Variants in WFDC2 observed in about 807,000 individuals in gnomAD.
The protein encoded by WFDC2 is WAP four-disulfide core domain 2.
WFDC2 carries 8 observed loss-of-function variants against 12.5 expected under a neutral mutation model. That is an observed-to-expected ratio of 0.64 (90% CI 0.37 to 1.15). The LOEUF is 1.15. Among genes scored for constraint, WFDC2 ranks in the 50% most tolerant of loss-of-function variants. WFDC2 has a pLI of 0.01. For missense variants in WFDC2, 166 were observed against 159.9 expected (o/e 1.04, Z -0.21); for synonymous variants, 74 against 67.2 (o/e 1.10, Z -0.49).
Position 45,478,631 on chromosome 20 carries a change from C to CT in WFDC2, c.224-1299dup, listed in dbSNP as rs147552251. On this transcript the variant is annotated intron_variant, in intron 2 of 3. Transcript: ENST00000372676. ...GCCATCTTGAAAGCTGAACCTAAATCTTTTTTTTTTTTGAGATGGAGTCTC... is the reference window on the plus strand; with the variant it reads ...GCCATCTTGAAAGCTGAACCTAAATCTTTTTTTTTTTTTGAGATGGAGTCTC... Among the ~76,000 whole-genome samples, 1,428 of 146,446 alleles carry CT rather than the reference C, an allele frequency of 9.8e-3. 15 individuals are homozygous for CT. The highest frequency in any genetic ancestry group is 0.048 in the South Asian group (223 of 4,618).
At chr20:45,480,173 T>C (rs1014882585) in intron 3 of WFDC2, 79 bp downstream of exon 3, 1 of 1,579,554 alleles carries the variant, frequency 6.3e-7, no homozygotes, top group Non-Finnish European at 8.6e-7. Flanking sequence ...CAGGCGGAGG[T>C]GAAGGGAGGT....
chr20:45,472,278 C>A (rs551695545), intron 2 of WFDC2, among the ~76,000 whole-genome samples: 1 of 152,262 alleles, frequency 6.6e-6, no homozygotes, highest in African/African-American at 2.4e-5. Context: ...AATTCCCAAC[C>A]CCCCGACAGG....
At chr20:45,475,446 A>G (rs1362755398) in intron 2 of WFDC2, among the ~76,000 whole-genome samples, 1 of 152,212 alleles carries the variant, frequency 6.6e-6, no homozygotes, top group African/African-American at 2.4e-5. Context: ...CCTAGTAGTC[A>G]TTCAGGAGCA....
At chr20:45,471,973 A>C (rs1991178160) in intron 2 of WFDC2, among the ~76,000 whole-genome samples, 1 of 152,226 alleles carries the variant, frequency 6.6e-6, no homozygotes, top group African/African-American at 2.4e-5. Context: ...TATTAGTGAG[A>C]AGATACTCCA....
At chr20:45,480,502 C>T (rs940250744) in intron 3 of WFDC2, among the ~76,000 whole-genome samples, 3 of 151,886 alleles carry the variant, frequency 2.0e-5, no homozygotes, top group African/African-American at 7.3e-5. Context: ...GCCACCCACC[C>T]GCTACTCAGG....
chr20:45,477,228 G>A (rs539951086), intron 2 of WFDC2, among the ~76,000 whole-genome samples: 4 of 152,226 alleles, frequency 2.6e-5, no homozygotes, highest in South Asian at 4.1e-4. Flanking sequence ...TGCTGGCGAG[G>A]AATTGTGATC....
intron 2 of WFDC2, among the ~76,000 whole-genome samples, chr20:45,472,944 G>A (rs1991190641): frequency 6.6e-6 from 1 of 152,236 alleles, no homozygotes; most frequent in Non-Finnish European, 1.5e-5. Context: ...AATGACCAGT[G>A]ATGATGAGCA....
At position 45,470,004 on chromosome 20, in the gene WFDC2, T is replaced by C; in HGVS notation, c.79+144T>C. ...TGGCGGGGACCCTTGGAGCCTAGGG[T>C]GTGGGGTCCAATGTGCTGGAGGTGG... On this transcript the variant is annotated intron_variant, in intron 1 of 3. Transcript: ENST00000372676. The surrounding 1 kb of genome is among the most constrained non-coding windows in gnomAD (Gnocchi z 5.4). The C allele has an allele frequency of 2.9e-6, 3 of 1,039,598 alleles. No individual in the cohort carries two copies. In the South Asian group the frequency reaches 4.8e-5, roughly 17 times the overall value. 64.4% of individuals were successfully genotyped at this position (1,039,598 alleles called of 1,614,324 possible).
chr20:45,475,936 TC>T (rs1241125251), intron 2 of WFDC2, among the ~76,000 whole-genome samples: 4 of 152,238 alleles, frequency 2.6e-5, no homozygotes, highest in African/African-American at 9.6e-5. Context: ...GTAATGCCCT[TC>T]TTTGTCTCTT....
At chr20:45,476,975 A>G (rs6073750) in intron 2 of WFDC2, among the ~76,000 whole-genome samples, 10,616 of 151,602 alleles carry the variant, frequency 0.07, 498 homozygotes, top group Admixed American at 0.13. Context: ...TCGGCTATTG[A>G]TACTTGTATA....
In WFDC2 at chr20:45,470,632, G is replaced by A. The variant is rs1284500459; in HGVS notation, c.223+100G>A. On this transcript the variant is annotated intron_variant, in intron 2 of 3. Transcript: ENST00000372676. This position sits in a 1 kb window ranked among gnomAD's most constrained non-coding sequence, Gnocchi z 5.4. ...CGGGAACAGGGGCGCCCCCGGACCC[G>A]GGGACCCCCGGGAAAGTCAAGGCGG... 38 of 1,424,568 alleles carry A rather than the reference G, an allele frequency of 2.7e-5. No homozygotes were observed. The highest frequency in any genetic ancestry group is 3.1e-5 in the Non-Finnish European group (34 of 1,080,876). 88.2% of individuals were successfully genotyped at this position (1,424,568 alleles called of 1,614,324 possible).
chr20:45,471,964 A>G (rs1013974304), intron 2 of WFDC2, among the ~76,000 whole-genome samples: 4 of 152,312 alleles, frequency 2.6e-5, no homozygotes, highest in East Asian at 1.9e-4. Flanking sequence ...TAAAGTGTCT[A>G]TTAGTGAGAA....
intron 2 of WFDC2, among the ~76,000 whole-genome samples, chr20:45,477,980 C>G (rs1202680451): frequency 1.3e-5 from 2 of 152,176 alleles, no homozygotes; most frequent in Non-Finnish European, 2.9e-5. Flanking sequence ...ACTGCCTACT[C>G]AAGCCTCAGT....
intron 3 of WFDC2, among the ~76,000 whole-genome samples, chr20:45,480,380 C>T (rs746819172): frequency 4.0e-5 from 6 of 150,084 alleles, no homozygotes; most frequent in African/African-American, 7.4e-5. Context: ...CTGAGGTGTG[C>T]GGATCACCTG....
At chr20:45,477,517 A>C (rs1489819806) in intron 2 of WFDC2, among the ~76,000 whole-genome samples, 2 of 152,240 alleles carry the variant, frequency 1.3e-5, no homozygotes, top group African/African-American at 2.4e-5. Flanking sequence ...CAGAACAGCA[A>C]AGATTGCTGC....
rs1274670896 is a variant in WFDC2 at position 45,470,138 on chromosome 20, C to G, written c.80-251C>G. Among the ~76,000 whole-genome samples, 1 of 152,116 alleles carries G rather than the reference C, an allele frequency of 6.6e-6. No individual in the cohort carries two copies. The highest frequency in any genetic ancestry group is 2.4e-5 in the African/African-American group (1 of 41,414). ...TGCTCTGCCTCGACCTCGGAAGCTCCGAGACGCTCAGCTGTGCGGCGTCCC... is the reference window on the plus strand; with the variant it reads ...TGCTCTGCCTCGACCTCGGAAGCTCGGAGACGCTCAGCTGTGCGGCGTCCC... On this transcript the variant is annotated intron_variant, in intron 1 of 3. Coordinates refer to ENST00000372676, the MANE Select transcript of WFDC2 (RefSeq NM_006103.4). The surrounding 1 kb of genome is among the most constrained non-coding windows in gnomAD (Gnocchi z 5.4).
chr20:45,473,937 T>TTG (rs949141604), intron 2 of WFDC2, among the ~76,000 whole-genome samples: 4 of 152,196 alleles, frequency 2.6e-5, no homozygotes, highest in Non-Finnish European at 5.9e-5. Context: ...TTTATTCTCT[T>TTG]TGTAGCAATT....
intron 2 of WFDC2, among the ~76,000 whole-genome samples, chr20:45,475,936 T>G (rs1206273909): frequency 2.6e-5 from 4 of 152,238 alleles, no homozygotes; most frequent in Non-Finnish European, 4.4e-5. Context: ...GTAATGCCCT[T>G]CTTTGTCTCT....
At chr20:45,474,529 A>G (rs1176516401) in intron 2 of WFDC2, among the ~76,000 whole-genome samples, 1 of 152,226 alleles carries the variant, frequency 6.6e-6, no homozygotes, top group Non-Finnish European at 1.5e-5. Flanking sequence ...GACAAAGCCA[A>G]CTTGATCATG....
Sources: gnomAD v4.1 joint callset for allele counts (sites outside exome capture counted in the v4.1 genomes callset) on GRCh38, gnomAD v4.1.1 for gene constraint, Gnocchi (gnomAD v3.1) non-coding constraint, MANE v1.5 for transcripts, NCBI Gene and HGNC (gene_info 2026-07-23, HGNC 2026-07-21) for gene names.